DGKD: variants seen among roughly 807,000 people sequenced by gnomAD.
The protein encoded by DGKD is diacylglycerol kinase delta.
In DGKD, 68 loss-of-function variants were observed where a neutral mutation model predicts 154.4. That is an observed-to-expected ratio of 0.44 (90% CI 0.36 to 0.54). The LOEUF is 0.54. DGKD is among the 20% of genes least tolerant of loss of function. The pLI, the probability that DGKD is intolerant of heterozygous loss-of-function variation, is 0.00. For synonymous variants in DGKD, 693 were observed against 638.0 expected (o/e 1.09, Z -1.30); for missense variants, 1,343 against 1,593.6 (o/e 0.84, Z 2.68).
intron 1 of DGKD, among the ~76,000 whole-genome samples, chr2:233,372,265 C>A (rs1702360207): frequency 6.6e-6 from 1 of 152,206 alleles, no homozygotes; most frequent in African/African-American, 2.4e-5. Flanking sequence ...AAGCAATCCG[C>A]CCGCCTCAGT....
At chr2:233,399,642 G>C (rs1397152736) in intron 3 of DGKD, among the ~76,000 whole-genome samples, 1 of 152,200 alleles carries the variant, frequency 6.6e-6, no homozygotes, top group Non-Finnish European at 1.5e-5. Flanking sequence ...TTTCCAGGCT[G>C]GGGTGGGTTT....
intron 27 of DGKD, among the ~76,000 whole-genome samples, chr2:233,465,029 G>A (rs2063784196): frequency 6.6e-6 from 1 of 152,216 alleles, no homozygotes; most frequent in African/African-American, 2.4e-5. Flanking sequence ...ACAGAGGTGG[G>A]CAGCTGCACA....
In DGKD at chr2:233,445,791, T is replaced by C. The variant is rs779110299; in HGVS notation, c.1334+29T>C. On this transcript the variant is annotated intron_variant, in intron 11 of 29. Transcript: ENST00000264057. The surrounding 1 kb of genome is among the most constrained non-coding windows in gnomAD (Gnocchi z 5.5). ...AGTGGGGATGTGCTCCGGTGCCGTA[T>C]GAGGAGACTTTGAGAGACAGGTCCC... 1 of 1,578,260 alleles carries C rather than the reference T, an allele frequency of 6.3e-7. No individual in the cohort carries two copies. Among genetic ancestry groups the C allele is most frequent in the South Asian group, 1.2e-5 (1 of 86,332 alleles).
chr2:233,370,570 C>CTTTTTTTTTTTTTTTTTTTTTTTTTT (rs56301429), intron 1 of DGKD, among the ~76,000 whole-genome samples: 1 of 123,344 alleles, frequency 8.1e-6, no homozygotes, highest in Non-Finnish European at 1.7e-5. Flanking sequence ...AGAACTTCTT[C>CTTTTTTTTTTTTTTTTTTTTTTTTTT]TTTTTTTTTT....
intron 1 of DGKD, among the ~76,000 whole-genome samples, chr2:233,377,768 C>T (rs1702658552): frequency 6.6e-6 from 1 of 151,986 alleles, no homozygotes; most frequent in South Asian, 2.1e-4. Context: ...TGCCTGTCTC[C>T]CCGTTGCCAT....
chr2:233,403,724 C>G (rs1309141116), intron 3 of DGKD, among the ~76,000 whole-genome samples: 2 of 151,394 alleles, frequency 1.3e-5, no homozygotes, highest in Non-Finnish European at 2.9e-5. Flanking sequence ...ATTGCAACCT[C>G]TGCCTCCCGG....
chr2:233,447,180 G>C (rs916153875), intron 12 of DGKD, among the ~76,000 whole-genome samples: 2 of 104,304 alleles, frequency 1.9e-5, no homozygotes, highest in African/African-American at 1.0e-4. Context: ...GCTCTGCCGC[G>C]GCTCTCCCCT....
chr2:233,462,541 G>A (rs575574285), intron 25 of DGKD, 82 bp downstream of exon 25: 32 of 1,516,410 alleles, frequency 2.1e-5, no homozygotes, highest in Admixed American at 5.1e-5. Flanking sequence ...TCATTCCCCC[G>A]CCTCCCCGGT....
At chr2:233,368,927 G>A (rs1195420063) in intron 1 of DGKD, among the ~76,000 whole-genome samples, 1 of 152,204 alleles carries the variant, frequency 6.6e-6, no homozygotes, top group Non-Finnish European at 1.5e-5. Context: ...TCCTGTGGCC[G>A]AGGCTGCCAG....
In DGKD at chr2:233,449,978, A is replaced by C. The variant is rs755983697; in HGVS notation, c.1889-4A>C. 22 of 1,592,708 alleles carry C rather than the reference A, an allele frequency of 1.4e-5. No homozygotes were observed. Among genetic ancestry groups the C allele is most frequent in the Non-Finnish European group, 1.9e-5 (22 of 1,168,838 alleles). On this transcript the variant is annotated splice_polypyrimidine_tract_variant and splice_region_variant and intron_variant, in intron 15 of 29. Transcript: ENST00000264057. This position sits in a 1 kb window ranked among gnomAD's most constrained non-coding sequence, Gnocchi z 5.3. ...GCTCAGCCGCACACACTCTCCTTGCACAGCTGTCGATGAGCAGAATGCCCA... is the reference window on the plus strand; with the variant it reads ...GCTCAGCCGCACACACTCTCCTTGCCCAGCTGTCGATGAGCAGAATGCCCA...
intron 1 of DGKD, among the ~76,000 whole-genome samples, chr2:233,369,752 C>T (rs981511273): frequency 2.0e-5 from 3 of 152,144 alleles, no homozygotes; most frequent in Non-Finnish European, 4.4e-5. Flanking sequence ...TCTGGGCGGG[C>T]TCTCCCCTCA....
At chr2:233,381,618 G>A (rs1702909767) in intron 1 of DGKD, among the ~76,000 whole-genome samples, 1 of 152,202 alleles carries the variant, frequency 6.6e-6, no homozygotes, top group South Asian at 2.1e-4. Flanking sequence ...AAGAAGTGTT[G>A]GAGATAACCT....
rs758876831 is a variant in DGKD, at chr2:233,462,405, C to T, written c.3039C>T (p.Val1013=). The change falls in exon 25 of 30, where the codon GTC becomes GTT. Residue 1013 remains valine (V), a synonymous_variant. Coordinates refer to ENST00000264057, the MANE Select transcript of DGKD (RefSeq NM_152879.3). ...RDMEQELAHA[V]NASSKSMDRV... The stretch of plus-strand genomic sequence containing the variant: ...TGGAGCAGGAACTGGCCCACGCCGT[C>T]AATGCCAGCTCCAAGTCCATGGACC... 13 of 1,604,730 alleles carry T rather than the reference C, an allele frequency of 8.1e-6. No homozygotes were observed. Among genetic ancestry groups the T allele is most frequent in the Non-Finnish European group, 7.7e-6 (9 of 1,172,418 alleles).
chr2:233,434,318 G>A (rs1185202922), intron 3 of DGKD, 62 bp from the exon 4 acceptor site: 15 of 1,339,682 alleles, frequency 1.1e-5, no homozygotes, highest in Admixed American at 5.5e-5. Context: ...TTAAGAAAGC[G>A]TTCATAGCTA....
chr2:233,412,268 CTCTT>C (rs1444906823), intron 3 of DGKD, among the ~76,000 whole-genome samples: 8 of 152,184 alleles, frequency 5.3e-5, no homozygotes, highest in Admixed American at 2.6e-4. Context: ...CGATCTCTCT[CTCTT>C]TATTTAGGTG....
chr2:233,388,646 T>C (rs1703357838), intron 2 of DGKD: 1 of 269,546 alleles, frequency 3.7e-6, no homozygotes, highest in Non-Finnish European at 6.9e-6. Flanking sequence ...TACAGCTGGA[T>C]ATCTCTCTCT....
At chr2:233,362,321 G>GAAAAC (rs1381475291) in intron 1 of DGKD, among the ~76,000 whole-genome samples, 1 of 152,154 alleles carries the variant, frequency 6.6e-6, no homozygotes, top group Non-Finnish European at 1.5e-5. Flanking sequence ...CACAAGAGAG[G>GAAAAC]AGAAGTGAGA....
rs772663416 is a variant in DGKD at position 233,450,905 on chromosome 2, C to T, written c.2039-17C>T. On this transcript the variant is annotated splice_polypyrimidine_tract_variant and intron_variant, in intron 16 of 29. Coordinates refer to ENST00000264057, the MANE Select transcript of DGKD (RefSeq NM_152879.3). Reference sequence around the variant, plus strand: ...CTATTCCACACAGCTGTAAGGTTTTCTGCTGTGTTGTTACAGTGTCGAAAT... The same window carrying T: ...CTATTCCACACAGCTGTAAGGTTTTTTGCTGTGTTGTTACAGTGTCGAAAT... 1.3e-6 allele frequency: 2 copies of T among 1,591,424 alleles called. No homozygotes were observed. Among genetic ancestry groups the T allele is most frequent in the African/African-American group, 2.7e-5 (2 of 74,544 alleles).
intron 1 of DGKD, among the ~76,000 whole-genome samples, chr2:233,377,170 C>A (rs929327259): frequency 4.0e-5 from 6 of 151,098 alleles, no homozygotes; most frequent in Non-Finnish European, 7.4e-5. Flanking sequence ...TCAACCTCCA[C>A]CTCCTGGGTT....
Sources: allele counts gnomAD v4.1 joint callset (sites outside exome capture counted in the v4.1 genomes callset), GRCh38; gene constraint gnomAD v4.1.1; non-coding constraint Gnocchi (gnomAD v3.1); transcripts MANE v1.5; gene names NCBI Gene and HGNC (gene_info 2026-07-23, HGNC 2026-07-21).